The following CASP10 variants were observed in gnomAD, a reference collection of about 807,000 sequenced individuals.
CASP10 encodes caspase-10.
A neutral mutation model predicts 48.5 loss-of-function variants in CASP10; 41 were observed. The ratio of observed to expected loss-of-function variants is 0.85; its 90% CI spans 0.66 to 1.10. CASP10 has a LOEUF of 1.10. Ranked by LOEUF, CASP10 falls within the 50% of genes least tolerant of loss-of-function variation. The probability of loss-of-function intolerance (pLI) is 0.00; values close to 1 mark genes in which losing one functional copy is unlikely to be tolerated. For synonymous variants in CASP10, 232 were observed against 238.4 expected, an observed-to-expected ratio of 0.97 and a Z score of 0.25; for missense variants, 614 against 614.5, an observed-to-expected ratio of 1.00 and a Z score of 0.01.
intron 4 of CASP10, 146 bp from the exon 5 acceptor site, chr2:201,195,696 T>C: frequency 1.5e-6 from 1 of 665,120 alleles, no homozygotes. Context: ...TTCTTTTTTT[T>C]GAGACGGACT....
intron 9 of CASP10, among the ~76,000 whole-genome samples, chr2:201,227,898 G>A (rs1945809447): frequency 6.6e-6 from 1 of 152,094 alleles, no homozygotes; most frequent in Admixed American, 6.6e-5. Flanking sequence ...AAGTCAAGGG[G>A]TTCCTCTACA....
Position 201,205,922 on chromosome 2 carries a change from G to A in CASP10, c.762G>A (p.Arg254=). ...ATGGTGCACCAAGCCTGGTCTCCAG[G>A]GGGATGCAAGGAGCATCTGCTAACA... ...ATNGAPSLVS[R]GMQGASANTL... The change falls in exon 7 of 10, where the codon AGG becomes AGA. Residue 254 remains arginine (R), a synonymous_variant. Coordinates refer to ENST00000286186, the MANE Select transcript of CASP10 (RefSeq NM_032977.4). 6.2e-7 allele frequency: 1 copy of A among 1,613,526 alleles called. No homozygotes were observed. Among genetic ancestry groups the A allele is most frequent in the Non-Finnish European group, 8.5e-7 (1 of 1,179,520 alleles).
intron 5 of CASP10, among the ~76,000 whole-genome samples, chr2:201,203,330 A>G (rs1181734604): frequency 6.8e-6 from 1 of 146,182 alleles, no homozygotes; most frequent in Non-Finnish European, 1.5e-5. Context: ...TTTTTGAGAC[A>G]GAGTCTTGCT....
At chr2:201,197,687 A>G (rs1944852544) in intron 5 of CASP10, among the ~76,000 whole-genome samples, 1 of 152,202 alleles carries the variant, frequency 6.6e-6, no homozygotes, top group Non-Finnish European at 1.5e-5. Flanking sequence ...TTAAAGGCGG[A>G]GTTACCAAGA....
chr2:201,217,808 A>T lies in CASP10; in HGVS notation c.*67A>T. ...GGCTATAACCTCCAGCCTCCTGCCC[A>T]GCACAGGAATCGGTGGTCTCCACCT... On this transcript the variant is annotated 3_prime_UTR_variant, in exon 10 of 10. Transcript: ENST00000286186. The T allele has an allele frequency of 6.2e-7, 1 of 1,612,982 alleles. No individual in the cohort carries two copies. The highest frequency in any genetic ancestry group is 8.5e-7 in the Non-Finnish European group (1 of 1,179,322).
intron 8 of CASP10, 180 bp downstream of exon 8, chr2:201,208,363 T>G: frequency 2.0e-6 from 2 of 985,370 alleles, no homozygotes; most frequent in Non-Finnish European, 2.4e-6. Flanking sequence ...GCAAGAATCT[T>G]TGACTATTCA....
exon 10 of CASP10, chr2:201,229,070 G>A: frequency 6.2e-7 from 1 of 1,614,202 alleles, no homozygotes; most frequent in Non-Finnish European, 8.5e-7. Context: ...CGCAGGTGGA[G>A]CAGCGTTTCC....
At chr2:201,215,877 G>C (rs933006646) in intron 9 of CASP10, among the ~76,000 whole-genome samples, 2 of 151,832 alleles carry the variant, frequency 1.3e-5, no homozygotes, top group African/African-American at 4.8e-5. Flanking sequence ...GAACTCCTGG[G>C]CTCAAGCAAT....
At chr2:201,211,439 T>C (rs190922915) in intron 9 of CASP10, among the ~76,000 whole-genome samples, 12 of 152,360 alleles carry the variant, frequency 7.9e-5, no homozygotes, top group Non-Finnish European at 1.5e-5. Flanking sequence ...TCACTGCTTC[T>C]ATGACATCAA....
intron 3 of CASP10, among the ~76,000 whole-genome samples, chr2:201,191,409 G>A (rs1944607667): frequency 6.6e-6 from 1 of 151,942 alleles, no homozygotes; most frequent in African/African-American, 2.4e-5. Flanking sequence ...GCGGGGTGGG[G>A]AGATCTCATT....
At chr2:201,197,272 C>T (rs1944833486) in intron 5 of CASP10, among the ~76,000 whole-genome samples, 1 of 152,068 alleles carries the variant, frequency 6.6e-6, no homozygotes, top group Admixed American at 6.6e-5. Flanking sequence ...CCACCACGCC[C>T]AGCCACATAC....
At chr2:201,211,813 T>C (rs941282644) in intron 9 of CASP10, among the ~76,000 whole-genome samples, 14 of 152,194 alleles carry the variant, frequency 9.2e-5, no homozygotes, top group African/African-American at 3.4e-4. Context: ...CCATAATGGC[T>C]GTACTAATTT....
chr2:201,218,836 G>C lies in CASP10; in HGVS notation c.*1095G>C. 9 of 985,384 alleles carry C rather than the reference G, an allele frequency of 9.1e-6. No homozygotes were observed. The highest frequency in any genetic ancestry group is 1.1e-5 in the Non-Finnish European group (9 of 829,938). 61.0% of individuals were successfully genotyped at this position (985,384 alleles called of 1,614,324 possible). ...TGAGGTGAAAATTTGGTCTATGCCA[G>C]GCCCATTTCCTGCTTTTGTGTAAGG... On this transcript the variant is annotated 3_prime_UTR_variant, in exon 10 of 10. Coordinates refer to ENST00000286186, the MANE Select transcript of CASP10 (RefSeq NM_032977.4).
At chr2:201,228,633 G>A (rs1945819701) in intron 9 of CASP10, among the ~76,000 whole-genome samples, 1 of 152,206 alleles carries the variant, frequency 6.6e-6, no homozygotes, top group Admixed American at 6.5e-5. Context: ...AAACTAAGTA[G>A]TCTTGGAGAT....
At chr2:201,214,836 A>C (rs189601336) in intron 9 of CASP10, 1 of 152,248 alleles carries the variant, frequency 6.6e-6, no homozygotes, top group East Asian at 1.9e-4. Context: ...ATGAATAATG[A>C]TAATATTATT....
In CASP10 at chr2:201,209,476, C is replaced by T. The variant is rs1336033842; in HGVS notation, c.1329C>T (p.Val443=). 1 of 1,613,954 alleles carries T rather than the reference C, an allele frequency of 6.2e-7. No individual in the cohort carries two copies. Among genetic ancestry groups the T allele is most frequent in the Non-Finnish European group, 8.5e-7 (1 of 1,179,956 alleles). Residue 443 remains valine (V), a synonymous_variant, in exon 9 of 10, where the codon GTC becomes GTT. Coordinates refer to ENST00000286186, the MANE Select transcript of CASP10 (RefSeq NM_032977.4). Reference sequence around the variant, plus strand: ...ACTTCCTACTTGGTCTGGCCACTGTCCCAGGCTATGTATCCTTTCGGCATG... The same window carrying T: ...ACTTCCTACTTGGTCTGGCCACTGTTCCAGGCTATGTATCCTTTCGGCATG... The part of the protein sequence containing the change: ...EADFLLGLAT[V]PGYVSFRHVE...
chr2:201,226,915 T>A (rs919378296), intron 9 of CASP10, among the ~76,000 whole-genome samples: 1 of 152,164 alleles, frequency 6.6e-6, no homozygotes, highest in Non-Finnish European at 1.5e-5. Flanking sequence ...AACATAATGC[T>A]GAGCAAATAA....
chr2:201,229,022 C>T (rs1945826576), exon 10 of CASP10: 2 of 1,614,052 alleles, frequency 1.2e-6, no homozygotes, highest in Non-Finnish European at 1.7e-6. Context: ...ACCTCCCTGC[C>T]CACGGCCATC....
intron 9 of CASP10, 112 bp downstream of exon 9, chr2:201,209,674 T>C (rs1354745977): frequency 1.8e-6 from 2 of 1,141,272 alleles, no homozygotes; most frequent in Non-Finnish European, 2.4e-6. Flanking sequence ...GTTCTATCCA[T>C]GTACCTGTTC....
Sources: gnomAD v4.1 joint callset for allele counts (sites outside exome capture counted in the v4.1 genomes callset) on GRCh38, gnomAD v4.1.1 for gene constraint, MANE v1.5 for transcripts, NCBI Gene and HGNC (gene_info 2026-07-23, HGNC 2026-07-21) for gene names.